GOLGA4: variants seen among roughly 807,000 people sequenced by gnomAD.
The protein encoded by GOLGA4 is golgin A4, also known as golgin subfamily A member 4.
GOLGA4 carries 169 observed loss-of-function variants against 265.9 expected under a neutral mutation model. That is an observed-to-expected ratio of 0.64 (90% CI 0.56 to 0.72). GOLGA4 has a LOEUF of 0.72. Ranked by LOEUF, GOLGA4 falls within the 30% of genes least tolerant of loss-of-function variation. The pLI is 0.00. For missense variants in GOLGA4, 2,482 were observed against 2,483.4 expected (o/e 1.00, Z 0.01); for synonymous variants, 923 against 855.8 (o/e 1.08, Z -1.37).
At position 37,320,947 on chromosome 3, in the gene GOLGA4, A is replaced by G. The variant is rs551659868; in HGVS notation, c.1546-784A>G. ...TATGGAAACTAGTATTTTCTTATCA[A>G]CCTACTCATAACATGGTACAAAATC... On this transcript the variant is annotated intron_variant, in intron 12 of 23. Coordinates refer to ENST00000361924, the MANE Select transcript of GOLGA4 (RefSeq NM_002078.5). Among the ~76,000 whole-genome samples, 3 of 152,338 alleles carry G rather than the reference A, an allele frequency of 2.0e-5. No individual in the cohort carries two copies. The East Asian group carries it at 5.8e-4, about 29-fold the overall frequency.
chr3:37,297,200 G>A (rs569020620), intron 7 of GOLGA4, among the ~76,000 whole-genome samples: 5 of 152,234 alleles, frequency 3.3e-5, no homozygotes, highest in African/African-American at 4.8e-5. Context: ...AGGTATATAC[G>A]CAATAAAATT....
At chr3:37,265,117 T>TTGTGTGTGTGTG (rs35252934) in intron 2 of GOLGA4, among the ~76,000 whole-genome samples, 37 of 147,648 alleles carry the variant, frequency 2.5e-4, no homozygotes, top group African/African-American at 8.7e-4. Flanking sequence ...CATGCTCATA[T>TTGTGTGTGTGTG]TGTGTGTGTG....
intron 20 of GOLGA4, among the ~76,000 whole-genome samples, chr3:37,344,732 G>C (rs2097050674): frequency 6.6e-6 from 1 of 152,022 alleles, no homozygotes; most frequent in South Asian, 2.1e-4. Context: ...TTAACTCTTT[G>C]AATGTCCATA....
At chr3:37,274,042 A>G (rs1016160579) in intron 2 of GOLGA4, among the ~76,000 whole-genome samples, 9 of 150,410 alleles carry the variant, frequency 6.0e-5, no homozygotes, top group African/African-American at 2.2e-4. Context: ...ATACGTTGTC[A>G]TGAGCTGAGT....
At chr3:37,245,598 T>C (rs761943435) in intron 1 of GOLGA4, among the ~76,000 whole-genome samples, 2 of 152,222 alleles carry the variant, frequency 1.3e-5, no homozygotes, top group African/African-American at 2.4e-5. Flanking sequence ...TTTTTGTTCA[T>C]TAACAAAGAG....
chr3:37,350,208 A>C (rs1452869325), intron 21 of GOLGA4, among the ~76,000 whole-genome samples: 2 of 152,110 alleles, frequency 1.3e-5, no homozygotes, highest in Non-Finnish European at 2.9e-5. Flanking sequence ...ATCTTTTCCA[A>C]GGTGTGGCAA....
Position 37,326,594 on chromosome 3 carries a change from C to G in GOLGA4, c.4708C>G (p.Gln1570Glu), listed in dbSNP as rs2096971613. ...ATTGGTTCAGAAACTTCAACATTTT[C>G]AAGAGTTAGGAGAAGAAAAGGACAA... ...KELVQKLQHF[Q>E]ELGEEKDNRV... The change falls in exon 14 of 24, where the codon CAA becomes GAA. Residue 1570 changes from glutamine to glutamate, a missense_variant. Transcript: ENST00000361924. 1 of 1,613,062 alleles carries G rather than the reference C, an allele frequency of 6.2e-7. No homozygotes were observed. Among genetic ancestry groups the G allele is most frequent in the Non-Finnish European group, 8.5e-7 (1 of 1,179,564 alleles).
chr3:37,287,074 C>G (rs764627948), intron 4 of GOLGA4, among the ~76,000 whole-genome samples: 2 of 152,184 alleles, frequency 1.3e-5, no homozygotes, highest in African/African-American at 4.8e-5. Context: ...GGCGTGGTGG[C>G]TCACGCCTGT....
intron 1 of GOLGA4, chr3:37,249,808 C>G (rs1249251631): frequency 6.6e-6 from 1 of 152,220 alleles, no homozygotes; most frequent in African/African-American, 2.4e-5. Flanking sequence ...TCCCAAAAGT[C>G]TGAGCTGATT....
chr3:37,339,956 GTTTTTT>G (rs950068698), intron 19 of GOLGA4, among the ~76,000 whole-genome samples, 162 bp from the exon 20 acceptor site: 1 of 146,614 alleles, frequency 6.8e-6, no homozygotes, highest in Non-Finnish European at 1.5e-5. Flanking sequence ...TTTAGTTTTA[GTTTTTT>G]TTTTCGCAGA....
chr3:37,340,498 A>G, intron 20 of GOLGA4, among the ~76,000 whole-genome samples: 1 of 152,166 alleles, frequency 6.6e-6, no homozygotes, highest in Non-Finnish European at 1.5e-5. Flanking sequence ...GAATACAATA[A>G]ATTGGGTGGG....
rs1205981812 is a variant in GOLGA4 at position 37,355,125 on chromosome 3, G to T, written c.6601G>T (p.Val2201Leu). ...GACCATGGCAAAAGTTATAACCACC[G>T]TACTGAAGTTCCCTGATGATCAGAC... ...TKTMAKVITTVLKFPDDQTQK... is the reference protein window; with the variant it reads ...TKTMAKVITTLLKFPDDQTQK... Residue 2201 changes from valine (V) to leucine (L), a missense_variant, in exon 22 of 24, where the codon GTA (valine) becomes TTA (leucine). Physicochemically the swap from Val to Leu is conservative, Grantham distance 32. This residue lies in a region of GOLGA4 where 942 missense variants were observed against 983.1 expected (regional missense o/e 0.96). Coordinates refer to ENST00000361924, the MANE Select transcript of GOLGA4 (RefSeq NM_002078.5). 6.2e-7 allele frequency: 1 copy of T among 1,605,150 alleles called. No homozygotes were observed. Among genetic ancestry groups the T allele is most frequent in the Non-Finnish European group, 8.5e-7 (1 of 1,172,232 alleles).
chr3:37,326,011 A>G lies in GOLGA4; in HGVS notation c.4125A>G (p.Gln1375=), dbSNP rs2096969580. The G allele has an allele frequency of 1.9e-6, 3 of 1,613,364 alleles. No individual in the cohort carries two copies. Among genetic ancestry groups the G allele is most frequent in the African/African-American group, 1.3e-5 (1 of 74,922 alleles). ...KKVEISSLSK[Q]LTDLNVQLQN... ...TTGAGATTAGCAGTCTTAGTAAACAACTAACTGATTTGAATGTTCAGCTTC... is the reference window on the plus strand; with the variant it reads ...TTGAGATTAGCAGTCTTAGTAAACAGCTAACTGATTTGAATGTTCAGCTTC... Residue 1375 remains glutamine, a synonymous_variant, in exon 14 of 24, where the codon CAA becomes CAG. Coordinates refer to ENST00000361924, the MANE Select transcript of GOLGA4 (RefSeq NM_002078.5).
chr3:37,275,595 TGCTGCGCGCCGGGGGTC>T (rs1254615378), intron 2 of GOLGA4: 1 of 1,378,232 alleles, frequency 7.3e-7, no homozygotes, highest in Non-Finnish European at 1.0e-6. Context: ...TGGTGGGGGT[TGCTGCGCGCCGGGGGTC>T]GCTCCTGCTG....
chr3:37,268,489 A>G (rs1017520678), intron 2 of GOLGA4, among the ~76,000 whole-genome samples: 10 of 151,832 alleles, frequency 6.6e-5, no homozygotes, highest in African/African-American at 1.9e-4. Flanking sequence ...GGCCACTTCC[A>G]TAAGTACATT....
intron 2 of GOLGA4, among the ~76,000 whole-genome samples, chr3:37,264,758 G>C (rs1252505425): frequency 6.6e-6 from 1 of 152,020 alleles, no homozygotes; most frequent in Admixed American, 6.5e-5. Context: ...GCTCAGGCTG[G>C]AGTGCTGTGG....
intron 2 of GOLGA4, among the ~76,000 whole-genome samples, chr3:37,278,047 G>A (rs1199274636): frequency 6.6e-6 from 1 of 151,914 alleles, no homozygotes; most frequent in Non-Finnish European, 1.5e-5. Context: ...CAAAAACAAA[G>A]TACATTTTTG....
chr3:37,327,258 A>G lies in GOLGA4; in HGVS notation c.5372A>G (p.Gln1791Arg), dbSNP rs759461026. The change falls in exon 14 of 24, where the codon CAA (glutamine) becomes CGA (arginine). Residue 1791 changes from glutamine (Q) to arginine (R), a missense_variant. Physicochemically the swap from Gln to Arg is conservative, Grantham distance 43. Around this residue, in one of 3 missense-constraint regions of GOLGA4, gnomAD observed 942 missense variants for 983.1 expected, o/e 0.96. Coordinates refer to ENST00000361924, the MANE Select transcript of GOLGA4 (RefSeq NM_002078.5). ...GCTGAGGCAAAGCAACATGAAGATC[A>G]AAGTATGATAGGTCATCTTCAAGAG... ...EHAEAKQHED[Q>R]SMIGHLQEEL... 6.8e-6 allele frequency: 11 copies of G among 1,613,774 alleles called. No individual in the cohort carries two copies. The Admixed American group carries it at 1.7e-4, about 24-fold the overall frequency.
At chr3:37,330,588 TTA>T (rs1204730125) in intron 16 of GOLGA4, among the ~76,000 whole-genome samples, 1 of 152,122 alleles carries the variant, frequency 6.6e-6, no homozygotes, top group Non-Finnish European at 1.5e-5. Flanking sequence ...CTGCTGTATT[TTA>T]GGGAAGTTAA....
Sources: gnomAD v4.1 joint callset for allele counts (sites outside exome capture counted in the v4.1 genomes callset) on GRCh38, gnomAD v4.1.1 for gene constraint, gnomAD v4.1.1 regional missense constraint, MANE v1.5 for transcripts, NCBI Gene and HGNC (gene_info 2026-07-23, HGNC 2026-07-21) for gene names.